FAM13C: variants seen among roughly 807,000 people sequenced by gnomAD.
FAM13C encodes family with sequence similarity 13 member C, also known as protein FAM13C.
A neutral mutation model predicts 73.2 loss-of-function variants in FAM13C; 37 were observed. The ratio of observed to expected loss-of-function variants is 0.51; its 90% CI spans 0.39 to 0.67. FAM13C has a LOEUF of 0.67. Among genes scored for constraint, FAM13C ranks in the 30% least tolerant of loss-of-function variants. The pLI, the probability that FAM13C is intolerant of heterozygous loss-of-function variation, is 0.00. For missense variants in FAM13C, 589 were observed against 715.6 expected, an observed-to-expected ratio of 0.82 and a Z score of 2.02; for synonymous variants, 246 against 260.9, an observed-to-expected ratio of 0.94 and a Z score of 0.55.
chr10:59,323,022 T>G (rs111778517), intron 4 of FAM13C, among the ~76,000 whole-genome samples: 5,084 of 152,292 alleles, frequency 0.033, 232 homozygotes, highest in African/African-American at 0.11. Flanking sequence ...GAGGTTCTAT[T>G]ATTCTAAATT....
intron 10 of FAM13C, among the ~76,000 whole-genome samples, chr10:59,261,634 A>G (rs1690563503): frequency 6.6e-6 from 1 of 152,076 alleles, no homozygotes; most frequent in African/African-American, 2.4e-5. Flanking sequence ...TAGTACAAGA[A>G]ACAGAAAGTG....
chr10:59,287,840 A>C (rs538431175), intron 5 of FAM13C, among the ~76,000 whole-genome samples: 1 of 152,328 alleles, frequency 6.6e-6, no homozygotes, highest in African/African-American at 2.4e-5. Flanking sequence ...AGGCTGCCGG[A>C]TAGAGCTCTG....
At chr10:59,248,562 G>C (rs1840969768) in intron 13 of FAM13C, among the ~76,000 whole-genome samples, 1 of 152,166 alleles carries the variant, frequency 6.6e-6, no homozygotes, top group South Asian at 2.1e-4. Flanking sequence ...TGGTTAATAA[G>C]ATAGCCAATC....
At chr10:59,258,782 C>CT (rs1237013282) in intron 10 of FAM13C, among the ~76,000 whole-genome samples, 1 of 152,144 alleles carries the variant, frequency 6.6e-6, no homozygotes, top group Non-Finnish European at 1.5e-5. Context: ...CCCTTTATCT[C>CT]TAAGTCTACT....
intron 1 of FAM13C, among the ~76,000 whole-genome samples, chr10:59,361,675 ATATAG>A (rs1359024424): frequency 6.6e-6 from 1 of 152,162 alleles, no homozygotes; most frequent in African/African-American, 2.4e-5. Flanking sequence ...TTTTTAACAA[ATATAG>A]TATAATATTA....
At chr10:59,274,060 T>C (rs1455579135) in intron 6 of FAM13C, among the ~76,000 whole-genome samples, 37 of 152,118 alleles carry the variant, frequency 2.4e-4, no homozygotes, top group Non-Finnish European at 2.9e-5. Context: ...TTTGTTGGTT[T>C]CAAATGATAA....
chr10:59,304,828 AGGGGGCG>A (rs1848054828), intron 4 of FAM13C, among the ~76,000 whole-genome samples: 1 of 2,604 alleles, frequency 3.8e-4, no homozygotes, highest in African/African-American at 8.9e-4. Context: ...GGGGAAGGGG[AGGGGGCG>A]GGGGAGGGGG....
At chr10:59,340,414 G>T (rs144322618) in intron 3 of FAM13C, among the ~76,000 whole-genome samples, 1 of 152,134 alleles carries the variant, frequency 6.6e-6, no homozygotes, top group East Asian at 1.9e-4. Context: ...CTGTTTGCCT[G>T]GGCTCCTCAC....
At chr10:59,361,212 G>GTTTT in intron 1 of FAM13C, 3 of 592,524 alleles carry the variant, frequency 5.1e-6, no homozygotes, top group African/African-American at 2.0e-5. Flanking sequence ...AGTCAATCCT[G>GTTTT]TTTTTTTTTT....
At chr10:59,311,474 T>C (rs1353356041) in intron 4 of FAM13C, among the ~76,000 whole-genome samples, 1 of 152,184 alleles carries the variant, frequency 6.6e-6, no homozygotes, top group East Asian at 1.9e-4. Context: ...ATTCATTCCA[T>C]ACACTTAGTA....
intron 5 of FAM13C, among the ~76,000 whole-genome samples, chr10:59,286,646 T>C (rs1283089382): frequency 4.0e-5 from 6 of 150,614 alleles, no homozygotes; most frequent in African/African-American, 1.5e-4. Context: ...GAGTTTTATA[T>C]TGGGAAGATG....
At chr10:59,342,900 A>C (rs1382095662) in intron 3 of FAM13C, among the ~76,000 whole-genome samples, 1 of 152,246 alleles carries the variant, frequency 6.6e-6, no homozygotes, top group Admixed American at 6.5e-5. Context: ...TTGCCTAAAG[A>C]ACACCCTGCT....
chr10:59,332,687 A>G (rs2134112045), intron 3 of FAM13C, among the ~76,000 whole-genome samples: 1 of 152,352 alleles, frequency 6.6e-6, no homozygotes, highest in South Asian at 2.1e-4. Context: ...TAATAAGGGA[A>G]TACAATTTTC....
chr10:59,298,673 T>A (rs1201184530), intron 5 of FAM13C, among the ~76,000 whole-genome samples: 1 of 152,216 alleles, frequency 6.6e-6, no homozygotes, highest in African/African-American at 2.4e-5. Context: ...ATGCTAAGCA[T>A]ATATGTCACT....
At chr10:59,344,524 C>T (rs1182998943) in intron 3 of FAM13C, among the ~76,000 whole-genome samples, 4 of 151,926 alleles carry the variant, frequency 2.6e-5, no homozygotes, top group Non-Finnish European at 5.9e-5. Flanking sequence ...CCTCGTGATC[C>T]GCCCGTCTCA....
chr10:59,265,319 T>TGG (rs1554811296), intron 8 of FAM13C, among the ~76,000 whole-genome samples: 23 of 2,280 alleles, frequency 0.01, 1 homozygote, highest in Admixed American at 0.017. Flanking sequence ...GAAGGGGTTT[T>TGG]GGCGGGGGGG....
At chr10:59,360,465 C>T (rs1856255655) in intron 1 of FAM13C, among the ~76,000 whole-genome samples, 1 of 152,104 alleles carries the variant, frequency 6.6e-6, no homozygotes, top group Middle Eastern at 3.2e-3. Context: ...CAAGACCACA[C>T]CCAAACATTT....
chr10:59,326,061 T>C (rs1851082680), intron 3 of FAM13C, among the ~76,000 whole-genome samples: 1 of 151,922 alleles, frequency 6.6e-6, no homozygotes. Context: ...TTGAAAATAG[T>C]ATTTTATCTA....
At chr10:59,304,079 C>T (rs970835040) in intron 4 of FAM13C, among the ~76,000 whole-genome samples, 6 of 152,018 alleles carry the variant, frequency 3.9e-5, no homozygotes, top group East Asian at 3.9e-4. Flanking sequence ...ACCTGGGAGG[C>T]GGAGGTTGCA....
Sources: allele counts gnomAD v4.1 joint callset (sites outside exome capture counted in the v4.1 genomes callset), GRCh38; gene constraint gnomAD v4.1.1; transcripts MANE v1.5; gene names NCBI Gene and HGNC (gene_info 2026-07-23, HGNC 2026-07-21).